DIP2B: variants seen among roughly 807,000 people sequenced by gnomAD.
DIP2B encodes disco-interacting protein 2 homolog B.
In DIP2B, 76 loss-of-function variants were observed where a neutral mutation model predicts 198.0. The ratio of observed to expected loss-of-function variants is 0.38; its 90% CI spans 0.32 to 0.46. The LOEUF (loss-of-function observed/expected upper bound fraction) is 0.46. Ranked by LOEUF, DIP2B falls within the 20% of genes least tolerant of loss-of-function variation. DIP2B has a pLI of 0.99. For synonymous variants in DIP2B, 701 were observed against 739.1 expected (o/e 0.95, Z 0.84); for missense variants, 1,559 against 1,978.4 (o/e 0.79, Z 4.02).
intron 4 of DIP2B, among the ~76,000 whole-genome samples, chr12:50,664,767 G>A (rs1470756922): frequency 2.0e-5 from 3 of 149,904 alleles, no homozygotes; most frequent in African/African-American, 7.4e-5. Flanking sequence ...ACAGGACTCT[G>A]CTTGAGAGTA....
intron 1 of DIP2B, among the ~76,000 whole-genome samples, chr12:50,572,568 A>G (rs1277291182): frequency 6.6e-6 from 1 of 152,232 alleles, no homozygotes; most frequent in African/African-American, 2.4e-5. Flanking sequence ...TGAACAAAAC[A>G]CAGGCTCAGT....
chr12:50,611,372 T>A (rs1295531755), intron 1 of DIP2B, among the ~76,000 whole-genome samples: 2 of 152,242 alleles, frequency 1.3e-5, no homozygotes, highest in East Asian at 3.8e-4. Context: ...AGATCATTTT[T>A]ATTCTTTTTG....
At chr12:50,600,509 G>A (rs988638041) in intron 1 of DIP2B, among the ~76,000 whole-genome samples, 2 of 152,116 alleles carry the variant, frequency 1.3e-5, no homozygotes, top group African/African-American at 4.8e-5. Flanking sequence ...TGGAGGCTGG[G>A]TAGGGTGCAC....
At chr12:50,729,748 T>A (rs1194981101) in intron 30 of DIP2B, among the ~76,000 whole-genome samples, 3 of 143,442 alleles carry the variant, frequency 2.1e-5, no homozygotes, top group South Asian at 2.2e-4. Flanking sequence ...TTTTTTTTTT[T>A]AATCAGTGTC....
chr12:50,701,004 G>T (rs1047962372), intron 19 of DIP2B, among the ~76,000 whole-genome samples: 1 of 151,936 alleles, frequency 6.6e-6, no homozygotes, highest in Admixed American at 6.6e-5. Context: ...GAGCCGTTGC[G>T]CCTGTAATTT....
chr12:50,693,907 C>T (rs780518506), intron 14 of DIP2B, among the ~76,000 whole-genome samples: 1 of 152,090 alleles, frequency 6.6e-6, no homozygotes, highest in African/African-American at 2.4e-5. Flanking sequence ...AATCTCAATA[C>T]GAAGGCTTGG....
chr12:50,580,538 C>CTTTTTTTTTTTTTTTTT (rs35098719), intron 1 of DIP2B, among the ~76,000 whole-genome samples: 2 of 127,216 alleles, frequency 1.6e-5, no homozygotes, highest in African/African-American at 2.9e-5. Context: ...TTTCTTTTTC[C>CTTTTTTTTTTTTTTTTT]TTTTTTTTTT....
At chr12:50,679,300 T>G (rs1209586890) in intron 8 of DIP2B, 1 of 172,808 alleles carries the variant, frequency 5.8e-6, no homozygotes, top group Non-Finnish European at 1.3e-5. Flanking sequence ...CTTTTCCGTT[T>G]AATTTTGCAT....
intron 32 of DIP2B, among the ~76,000 whole-genome samples, chr12:50,733,840 A>G (rs1210274797): frequency 6.6e-6 from 1 of 152,224 alleles, no homozygotes; most frequent in African/African-American, 2.4e-5. Context: ...CTTGAGCCCC[A>G]TCATAGCCCT....
intron 1 of DIP2B, among the ~76,000 whole-genome samples, chr12:50,607,875 C>T (rs1958997324): frequency 1.3e-5 from 2 of 152,170 alleles, no homozygotes; most frequent in Admixed American, 6.6e-5. Context: ...CTCACTGCAA[C>T]CTCTGCCTCC....
At chr12:50,725,951 G>C (rs1939925815) in intron 28 of DIP2B, among the ~76,000 whole-genome samples, 1 of 149,144 alleles carries the variant, frequency 6.7e-6, no homozygotes, top group Non-Finnish European at 1.5e-5. Flanking sequence ...TTAAATATTT[G>C]TTACTGAAGG....
chr12:50,675,164 C>A (rs1030039111), intron 6 of DIP2B, among the ~76,000 whole-genome samples, 165 bp from the exon 7 acceptor site: 3 of 152,194 alleles, frequency 2.0e-5, no homozygotes, highest in Non-Finnish European at 4.4e-5. Flanking sequence ...CATATTTGTT[C>A]TCTATTGTCA....
At chr12:50,660,360 T>C (rs1282047792) in intron 4 of DIP2B, 41 bp downstream of exon 4, 1 of 1,538,958 alleles carries the variant, frequency 6.5e-7, no homozygotes, top group Admixed American at 2.1e-5. Context: ...AGTTAATACC[T>C]TGATGTTCCT....
chr12:50,738,277 C>T (rs1565887094), intron 35 of DIP2B, among the ~76,000 whole-genome samples: 2 of 151,852 alleles, frequency 1.3e-5, no homozygotes, highest in South Asian at 2.1e-4. Context: ...TGCAGTGAGC[C>T]GAGATCACGT....
At chr12:50,641,543 A>G (rs901863291) in intron 3 of DIP2B, among the ~76,000 whole-genome samples, 6 of 152,074 alleles carry the variant, frequency 3.9e-5, no homozygotes, top group African/African-American at 1.4e-4. Context: ...TGTGTTTGCC[A>G]GAGTTGTTGC....
chr12:50,706,608 A>G lies in DIP2B; in HGVS notation c.2477A>G (p.Asp826Gly). Residue 826 changes from aspartate to glycine, a missense_variant, in exon 21 of 38, where the codon GAT becomes GGT. Asp to Gly is a moderately conservative substitution (Grantham distance 94, BLOSUM62 -1). Coordinates refer to ENST00000301180, the MANE Select transcript of DIP2B (RefSeq NM_173602.3). ...GTTAGTGGTCGAAGACATAATGCTG[A>G]TGACATTGTTGCTACTGGATTGGCT... ...LMVSGRRHNA[D>G]DIVATGLAVE... is the part of the protein sequence containing the mutation. 6.2e-7 allele frequency: 1 copy of G among 1,614,132 alleles called. No homozygotes were observed. The highest frequency in any genetic ancestry group is 8.5e-7 in the Non-Finnish European group (1 of 1,179,994).
At chr12:50,679,862 G>A (rs1294778026) in intron 8 of DIP2B, 2 of 152,108 alleles carry the variant, frequency 1.3e-5, no homozygotes, top group Non-Finnish European at 2.9e-5. Flanking sequence ...TTAATCATTT[G>A]AGTCATGTTT....
At chr12:50,638,994 G>T (rs1190437668) in intron 2 of DIP2B, among the ~76,000 whole-genome samples, 1 of 152,032 alleles carries the variant, frequency 6.6e-6, no homozygotes, top group Non-Finnish European at 1.5e-5. Context: ...TCGGATTTGG[G>T]TATTTGGGGT....
intron 1 of DIP2B, among the ~76,000 whole-genome samples, chr12:50,527,238 TTA>T (rs1226765280): frequency 6.6e-6 from 1 of 152,194 alleles, no homozygotes; most frequent in African/African-American, 2.4e-5. Context: ...TTATTCTAGT[TTA>T]TGCAAACAGT....
Sources: allele counts gnomAD v4.1 joint callset (sites outside exome capture counted in the v4.1 genomes callset), GRCh38; gene constraint gnomAD v4.1.1; transcripts MANE v1.5; gene names NCBI Gene and HGNC (gene_info 2026-07-23, HGNC 2026-07-21).